The following CNGA1 variants were observed in gnomAD, a reference collection of about 807,000 sequenced individuals.
CNGA1 encodes cyclic nucleotide gated channel subunit alpha 1.
Under a neutral mutation model 69.7 loss-of-function variants are expected in CNGA1, and 53 were observed. The ratio of observed to expected loss-of-function variants is 0.76; its 90% CI spans 0.61 to 0.96. CNGA1 has a LOEUF of 0.96. Ranked by LOEUF, CNGA1 falls within the 40% of genes least tolerant of loss-of-function variation. The pLI is 0.00. For missense variants in CNGA1, 739 were observed against 811.2 expected (o/e 0.91, Z 1.08); for synonymous variants, 249 against 283.5 (o/e 0.88, Z 1.22).
At chr4:47,958,095 C>T (rs1027147179) in intron 3 of CNGA1, among the ~76,000 whole-genome samples, 18 of 151,954 alleles carry the variant, frequency 1.2e-4, no homozygotes, top group African/African-American at 4.1e-4. Context: ...GATATTTCAC[C>T]GTGTTAGCCA....
intron 1 of CNGA1, among the ~76,000 whole-genome samples, chr4:48,013,222 G>C (rs528123703): frequency 6.6e-6 from 1 of 152,280 alleles, no homozygotes; most frequent in South Asian, 2.1e-4. Context: ...GTTTGCCAAA[G>C]GTCAGGGGCA....
intron 6 of CNGA1, 32 bp from the exon 7 acceptor site, chr4:47,943,444 A>G: frequency 8.1e-7 from 1 of 1,233,632 alleles, no homozygotes; most frequent in Non-Finnish European, 1.1e-6. Flanking sequence ...CTGTCACATA[A>G]TCACAGTCTT....
At chr4:47,948,860 T>G (rs1739577914) in intron 6 of CNGA1, among the ~76,000 whole-genome samples, 1 of 152,140 alleles carries the variant, frequency 6.6e-6, no homozygotes, top group Admixed American at 6.5e-5. Context: ...AGCTAAGTCA[T>G]CTAGACCAGC....
At position 47,982,398 on chromosome 4, in the gene CNGA1, G is replaced by A. The variant is rs190905187; in HGVS notation, c.-122-898C>T. Among the ~76,000 whole-genome samples the A allele has an allele frequency of 2.4e-3, 358 of 152,326 alleles. 3 individuals carry two copies. Among genetic ancestry groups the A allele is most frequent in the African/African-American group, 8.1e-3 (335 of 41,580 alleles). On this transcript the variant is annotated intron_variant, in intron 2 of 10. Coordinates refer to ENST00000514170, the MANE Select transcript of CNGA1 (RefSeq NM_001379270.1). ...GTAGCGTAGGAGGCTCTCAAGAGAG[G>A]AGGCACCTCAAGATGCCTAGCAGAG... is the stretch of plus-strand genomic sequence containing the variant.
At chr4:47,989,741 C>T (rs367840566) in intron 2 of CNGA1, among the ~76,000 whole-genome samples, 1 of 149,256 alleles carries the variant, frequency 6.7e-6, no homozygotes, top group South Asian at 2.1e-4. Flanking sequence ...TCATTGCACC[C>T]ATTGCCCAAG....
In CNGA1 at chr4:47,951,243, T is replaced by C. The variant is rs1739719427; in HGVS notation, c.224+110A>G. Reference sequence around the variant, plus strand: ...GCTAAGCATGTGGGAGTTATTTCTATCCTACTGCTCAAGGTCATCACCATG... The same window carrying C: ...GCTAAGCATGTGGGAGTTATTTCTACCCTACTGCTCAAGGTCATCACCATG... On this transcript the variant is annotated intron_variant, in intron 5 of 10. Coordinates refer to ENST00000514170, the MANE Select transcript of CNGA1 (RefSeq NM_001379270.1). The C allele has an allele frequency of 1.3e-4, 94 of 720,574 alleles. 1 individual carries two copies. In the South Asian group the frequency reaches 1.3e-3, roughly 10 times the overall value. 44.6% of individuals were successfully genotyped at this position (720,574 alleles called of 1,614,324 possible).
chr4:47,966,669 T>A (rs754347940), intron 3 of CNGA1, among the ~76,000 whole-genome samples: 1 of 152,212 alleles, frequency 6.6e-6, no homozygotes, highest in Admixed American at 6.5e-5. Flanking sequence ...AGGAAAGGCT[T>A]CAAGGTTGCT....
At chr4:47,952,467 T>C in intron 4 of CNGA1, 116 bp downstream of exon 4, 1 of 972,342 alleles carries the variant, frequency 1.0e-6, no homozygotes, top group Admixed American at 2.2e-5. Context: ...ATAAATTTGC[T>C]AAATACATTA....
chr4:47,956,070 C>A (rs1009880913), intron 3 of CNGA1, among the ~76,000 whole-genome samples: 8 of 152,162 alleles, frequency 5.3e-5, no homozygotes, highest in African/African-American at 1.9e-4. Flanking sequence ...ACTGAAAGAG[C>A]TAAAAATCTA....
intron 6 of CNGA1, among the ~76,000 whole-genome samples, chr4:47,948,824 G>T (rs1406000210): frequency 6.6e-6 from 1 of 152,150 alleles, no homozygotes; most frequent in African/African-American, 2.4e-5. Flanking sequence ...AAGTTCTTCA[G>T]GGATGAGTGT....
rs772481945 is a variant in CNGA1 at position 47,952,662 on chromosome 4, G to T, written c.28C>A (p.Gln10Lys). MKNNIINTQ[Q>K]SFVTMPNVIV... ...ACATTGGGCATGGTTACAAAAGACTGCTGTGTATTGATAATATTGTTCTTC... is the reference window on the plus strand; with the variant it reads ...ACATTGGGCATGGTTACAAAAGACTTCTGTGTATTGATAATATTGTTCTTC... Residue 10 changes from glutamine to lysine, a missense_variant, in exon 4 of 11, where the codon CAG becomes AAG. By Grantham distance (53) the Gln-to-Lys change is moderately conservative. Transcript: ENST00000514170. 6.2e-7 allele frequency: 1 copy of T among 1,606,648 alleles called. No homozygotes were observed. The highest frequency in any genetic ancestry group is 8.5e-7 in the Non-Finnish European group (1 of 1,174,792).
chr4:47,977,289 GGAT>G (rs1312202991), intron 3 of CNGA1, among the ~76,000 whole-genome samples: 1 of 152,126 alleles, frequency 6.6e-6, no homozygotes, highest in Admixed American at 6.5e-5. Flanking sequence ...GAGACAGGAA[GGAT>G]GATATGCACA....
At chr4:47,966,680 G>A (rs922776983) in intron 3 of CNGA1, among the ~76,000 whole-genome samples, 1 of 152,090 alleles carries the variant, frequency 6.6e-6, no homozygotes, top group African/African-American at 2.4e-5. Context: ...CAAGGTTGCT[G>A]TTAACTGCTT....
In CNGA1 at chr4:47,937,462, A is replaced by C; in HGVS notation, c.1020T>G (p.Arg340=). 6.2e-7 allele frequency: 1 copy of C among 1,614,230 alleles called. No individual in the cohort carries two copies. The highest frequency in any genetic ancestry group is 1.1e-5 in the South Asian group (1 of 91,090). ...GGCTGTATACGTATTTTCTAGCCAA[A>C]CGGCCAAATTCAGGATCATTAATAT... The part of the protein sequence containing the change: ...YPDINDPEFG[R]LARKYVYSLY... Residue 340 remains arginine (R), a synonymous_variant, in exon 11 of 11, where the codon CGT becomes CGG. Coordinates refer to ENST00000514170, the MANE Select transcript of CNGA1 (RefSeq NM_001379270.1).
Position 47,952,563 on chromosome 4 carries a change from G to A in CNGA1, c.107+20C>T. 6.2e-7 allele frequency: 1 copy of A among 1,610,606 alleles called. No individual in the cohort carries two copies. Among genetic ancestry groups the A allele is most frequent in the Non-Finnish European group, 8.5e-7 (1 of 1,177,880 alleles). ...ACTGTAGCTAATAATAAAAATGCATGGGAAAATGTTTGGATTTACCTGCAT... is the reference window on the plus strand; with the variant it reads ...ACTGTAGCTAATAATAAAAATGCATAGGAAAATGTTTGGATTTACCTGCAT... On this transcript the variant is annotated intron_variant, in intron 4 of 10. Coordinates refer to ENST00000514170, the MANE Select transcript of CNGA1 (RefSeq NM_001379270.1).
At chr4:47,989,716 G>A (rs921478203) in intron 2 of CNGA1, among the ~76,000 whole-genome samples, 30 of 149,244 alleles carry the variant, frequency 2.0e-4, no homozygotes, top group African/African-American at 7.2e-4. Context: ...TTCTTTTGTG[G>A]TGATTTGTGA....
intron 3 of CNGA1, among the ~76,000 whole-genome samples, chr4:47,978,847 TTC>T (rs892524755): frequency 3.8e-4 from 57 of 151,570 alleles, no homozygotes; most frequent in African/African-American, 1.3e-3. Context: ...ATAAAAAATT[TTC>T]TGTTTTATCA....
intron 3 of CNGA1, among the ~76,000 whole-genome samples, chr4:47,969,425 A>C (rs1311419225): frequency 3.3e-5 from 5 of 152,112 alleles, no homozygotes; most frequent in Non-Finnish European, 2.9e-5. Context: ...GAAATGAGAA[A>C]ATTTTAGGAA....
intron 4 of CNGA1, 31 bp from the exon 5 acceptor site, chr4:47,951,500 A>G (rs1047452109): frequency 4.3e-6 from 6 of 1,398,186 alleles, no homozygotes; most frequent in South Asian, 2.3e-5. Flanking sequence ...GAGAGAGAAG[A>G]GTTAATGTTT....
Sources: gnomAD v4.1 joint callset for allele counts (sites outside exome capture counted in the v4.1 genomes callset) on GRCh38, gnomAD v4.1.1 for gene constraint, MANE v1.5 for transcripts, NCBI Gene and HGNC (gene_info 2026-07-23, HGNC 2026-07-21) for gene names.